Variants in MTMR8 observed in about 807,000 individuals in gnomAD.
The protein encoded by MTMR8 is myotubularin related protein 8.
Under a neutral mutation model 39.3 loss-of-function variants are expected in MTMR8, and 65 were observed. The ratio of observed to expected loss-of-function variants is 1.65; its 90% CI spans 1.35 to 2.03. The LOEUF is 2.03. Ranked by LOEUF, MTMR8 falls within the 30% of genes most tolerant of loss-of-function variation. MTMR8 has a pLI of 0.00. For synonymous variants in MTMR8, 245 were observed against 185.2 expected, an observed-to-expected ratio of 1.32 and a Z score of -2.62; for missense variants, 777 against 538.9, an observed-to-expected ratio of 1.44 and a Z score of -4.37.
intron 12 of MTMR8, among the ~76,000 whole-genome samples, chrX:64,303,473 G>T (rs1378557053): frequency 8.9e-6 from 1 of 112,017 alleles, no homozygotes; most frequent in Non-Finnish European, 1.9e-5. Context: ...ATTACTAGTT[G>T]ATTTTTAAAC....
At chrX:64,297,701 T>A (rs1323177289) in intron 12 of MTMR8, among the ~76,000 whole-genome samples, 2 of 105,227 alleles carry the variant, frequency 1.9e-5, no homozygotes, top group Non-Finnish European at 3.9e-5. Flanking sequence ...CTTCTAGGGT[T>A]TTTATGGTTT....
At chrX:64,375,456 A>G (rs1266300294) in intron 1 of MTMR8, among the ~76,000 whole-genome samples, 1 of 112,176 alleles carries the variant, frequency 8.9e-6, no homozygotes, top group Non-Finnish European at 1.9e-5. Context: ...AAAAGACTTC[A>G]GAGCAAGGAA....
chrX:64,365,760 A>G (rs575254647), intron 1 of MTMR8, among the ~76,000 whole-genome samples: 1 of 111,887 alleles, frequency 8.9e-6, no homozygotes, highest in African/African-American at 3.2e-5. Context: ...ACACATAACA[A>G]TATTAACCTT....
rs185363551 is a variant in MTMR8, at chrX:64,326,864, C to G, written c.1481+1908G>C. ...ACTGATCTAAAAATAGACACACAGA[C>G]CAATGGAATAGAGAGCCCAGAAAAA... On this transcript the variant is annotated intron_variant, in intron 12 of 13. Coordinates refer to ENST00000374852, the MANE Select transcript of MTMR8 (RefSeq NM_017677.4). Among the ~76,000 whole-genome samples the G allele has an allele frequency of 3.7e-5, 4 of 109,459 alleles. No individual in the cohort carries two copies. In the East Asian group the frequency reaches 1.1e-3, roughly 31 times the overall value.
At chrX:64,319,884 C>T (rs1013813265) in intron 12 of MTMR8, among the ~76,000 whole-genome samples, 16 of 110,990 alleles carry the variant, frequency 1.4e-4, no homozygotes, top group Admixed American at 3.8e-4. Flanking sequence ...CTCGGTGATG[C>T]GGGCTCTTTT....
In MTMR8 at chrX:64,381,031, T is replaced by C. The variant is rs187461208; in HGVS notation, c.24+14309A>G. On this transcript the variant is annotated intron_variant, in intron 1 of 13. Transcript: ENST00000374852. ...TGGCTTGGTTCCAAGTCTTTGCTAT[T>C]GTGAATAGTGCCGCAATAAACATAT... Among the ~76,000 whole-genome samples, 896 of 112,184 alleles carry C rather than the reference T, an allele frequency of 8.0e-3. 3 individuals are homozygous for C. The highest frequency in any genetic ancestry group is 0.014 in the Middle Eastern group (3 of 217).
chrX:64,310,648 C>A (rs1922267023), intron 12 of MTMR8, among the ~76,000 whole-genome samples: 1 of 110,886 alleles, frequency 9.0e-6, no homozygotes, highest in South Asian at 3.9e-4. Context: ...TATCCGTCCC[C>A]TAGCCCCTCA....
At chrX:64,361,902 G>T (rs1183560625) in intron 1 of MTMR8, among the ~76,000 whole-genome samples, 1 of 110,469 alleles carries the variant, frequency 9.1e-6, no homozygotes, top group Non-Finnish European at 1.9e-5. Flanking sequence ...CTTACAGAAG[G>T]TAATCATTCA....
intron 12 of MTMR8, among the ~76,000 whole-genome samples, chrX:64,324,136 G>A (rs1056165252): frequency 2.7e-5 from 3 of 112,129 alleles, no homozygotes; most frequent in Non-Finnish European, 5.6e-5. Flanking sequence ...GGGCCAAAGT[G>A]GGAGGATCAC....
At position 64,294,715 on chromosome X, in the gene MTMR8, TC is replaced by T. The variant is rs1223470859; in HGVS notation, c.1482-23643del. 2.7e-5 allele frequency among the ~76,000 whole-genome samples: 3 copies of T among 111,846 alleles called. No homozygotes were observed. In the East Asian group the frequency reaches 8.5e-4, roughly 32 times the overall value. ...CCTCTTCCTACTTCATAGATGACTG[TC>T]TTTTTGCTGTGTCCTCACATGACAG... On this transcript the variant is annotated intron_variant, in intron 12 of 13. Coordinates refer to ENST00000374852, the MANE Select transcript of MTMR8 (RefSeq NM_017677.4).
At chrX:64,323,420 G>A (rs1922707971) in intron 12 of MTMR8, among the ~76,000 whole-genome samples, 1 of 111,862 alleles carries the variant, frequency 8.9e-6, no homozygotes, top group Admixed American at 9.5e-5. Flanking sequence ...AGTAAATGAA[G>A]CAATTATTAT....
At chrX:64,281,581 C>A (rs1224159774) in intron 12 of MTMR8, among the ~76,000 whole-genome samples, 1 of 111,740 alleles carries the variant, frequency 8.9e-6, no homozygotes, top group Admixed American at 9.5e-5. Flanking sequence ...AATACAAAAC[C>A]CAAAACCATA....
At chrX:64,368,282 A>G (rs1924032189) in intron 1 of MTMR8, among the ~76,000 whole-genome samples, 1 of 111,936 alleles carries the variant, frequency 8.9e-6, no homozygotes, top group Non-Finnish European at 1.9e-5. Context: ...CGGAATCAAA[A>G]AAGAGCCCGC....
intron 12 of MTMR8, among the ~76,000 whole-genome samples, chrX:64,296,037 C>A (rs187998618): frequency 1.8e-5 from 2 of 111,963 alleles, no homozygotes; most frequent in Non-Finnish European, 3.8e-5. Flanking sequence ...TTAGCCAAAG[C>A]TAAAAGGTAG....
At chrX:64,281,002 G>C (rs1245556114) in intron 12 of MTMR8, among the ~76,000 whole-genome samples, 2 of 110,844 alleles carry the variant, frequency 1.8e-5, no homozygotes, top group Non-Finnish European at 3.8e-5. Flanking sequence ...GGATGTGAAG[G>C]ACCTCTTCAA....
Position 64,271,019 on chromosome X carries a change from A to T in MTMR8, c.1536T>A (p.Ser512Arg). The change falls in exon 13 of 14, where the codon AGT (serine) becomes AGA (arginine). Residue 512 changes from serine (S) to arginine (R), a missense_variant. By Grantham distance (110) the Ser-to-Arg change is moderately radical (BLOSUM62 -1). Transcript: ENST00000374852. ...RFDKGLQPKQ[S>R]MLESLLEIKK... is the part of the protein sequence containing the mutation. ...TAATTTCCAGGAGGCTCTCTAGCAT[A>T]CTCTGCTTGGGCTGCAGCCCTTTGT... 1 of 1,208,911 alleles carries T rather than the reference A, an allele frequency of 8.3e-7. No individual in the cohort carries two copies. The highest frequency in any genetic ancestry group is 1.8e-5 in the South Asian group (1 of 56,591).
chrX:64,381,496 G>A (rs755341193), intron 1 of MTMR8, among the ~76,000 whole-genome samples: 1 of 102,724 alleles, frequency 9.7e-6, no homozygotes, highest in Non-Finnish European at 2.0e-5. Context: ...TGTAGATTCT[G>A]GATATTAGCC....
At chrX:64,352,130 A>C (rs143515825) in intron 4 of MTMR8, among the ~76,000 whole-genome samples, 1,558 of 111,581 alleles carry the variant, frequency 0.014, 41 homozygotes, top group African/African-American at 0.049. Flanking sequence ...TCTGGCATAC[A>C]CTAAGCAGAA....
At chrX:64,325,623 A>G (rs1213444803) in intron 12 of MTMR8, among the ~76,000 whole-genome samples, 1 of 112,188 alleles carries the variant, frequency 8.9e-6, no homozygotes, top group African/African-American at 3.2e-5. Flanking sequence ...CATTATGTAT[A>G]GAAAGTATGT....
Sources: allele counts gnomAD v4.1 joint callset (sites outside exome capture counted in the v4.1 genomes callset), GRCh38; gene constraint gnomAD v4.1.1; transcripts MANE v1.5; gene names NCBI Gene and HGNC (gene_info 2026-07-23, HGNC 2026-07-21).